MPPED1: variants seen among roughly 807,000 people sequenced by gnomAD.
MPPED1 encodes the protein metallophosphoesterase domain containing 1.
A neutral mutation model predicts 36.2 loss-of-function variants in MPPED1; 16 were observed. The ratio of observed to expected loss-of-function variants is 0.44; its 90% CI spans 0.30 to 0.67. MPPED1 has a LOEUF of 0.67. Among genes scored for constraint, MPPED1 ranks in the 30% least tolerant of loss-of-function variants. MPPED1 has a pLI of 0.10. For missense variants in MPPED1, 307 were observed against 453.4 expected, an observed-to-expected ratio of 0.68 and a Z score of 2.93; for synonymous variants, 199 against 191.3, an observed-to-expected ratio of 1.04 and a Z score of -0.33.
intron 2 of MPPED1, among the ~76,000 whole-genome samples, chr22:43,433,609 C>T (rs545420993): frequency 1.3e-5 from 2 of 151,184 alleles, no homozygotes; most frequent in Admixed American, 6.6e-5. Flanking sequence ...GCCCCGGGTG[C>T]GCGCTCCCGC....
At chr22:43,448,918 G>A (rs1930459636) in intron 3 of MPPED1, among the ~76,000 whole-genome samples, 1 of 152,066 alleles carries the variant, frequency 6.6e-6, no homozygotes, top group African/African-American at 2.4e-5. Context: ...GTTTTTAATA[G>A]CTAAGGAGAC....
intron 4 of MPPED1, among the ~76,000 whole-genome samples, chr22:43,492,430 A>G (rs1932132919): frequency 6.6e-6 from 1 of 152,070 alleles, no homozygotes. Flanking sequence ...GGTGCCCACT[A>G]ATGGGATTAG....
intron 4 of MPPED1, among the ~76,000 whole-genome samples, chr22:43,481,179 TGGA>T (rs1160030906): frequency 6.6e-6 from 1 of 152,240 alleles, no homozygotes; most frequent in Admixed American, 6.5e-5. Context: ...GTTCAGGTGT[TGGA>T]TCCACTGGAA....
At chr22:43,432,874 AG>A (rs1280134105) in intron 2 of MPPED1, among the ~76,000 whole-genome samples, 68 of 21,758 alleles carry the variant, frequency 3.1e-3, no homozygotes, top group African/African-American at 5.6e-3. Flanking sequence ...GAGGAGAGAG[AG>A]AGGGAAAGAG....
intron 3 of MPPED1, among the ~76,000 whole-genome samples, chr22:43,443,388 C>T (rs1022666597): frequency 7.2e-5 from 11 of 152,126 alleles, no homozygotes; most frequent in South Asian, 2.1e-4. Context: ...CAGGAGAGGA[C>T]GCCAGGGTAC....
chr22:43,478,913 C>G (rs887932485), intron 4 of MPPED1, among the ~76,000 whole-genome samples: 1 of 152,154 alleles, frequency 6.6e-6, no homozygotes, highest in Non-Finnish European at 1.5e-5. Context: ...CTACGAGAGT[C>G]TCTTGGTAGA....
chr22:43,449,480 A>G (rs906980806), intron 3 of MPPED1, among the ~76,000 whole-genome samples: 4 of 134,550 alleles, frequency 3.0e-5, no homozygotes, highest in Non-Finnish European at 4.6e-5. Flanking sequence ...AAGTCAAGGA[A>G]TGCACTCATC....
At chr22:43,437,271 G>A (rs564004641) in intron 3 of MPPED1, among the ~76,000 whole-genome samples, 1 of 152,322 alleles carries the variant, frequency 6.6e-6, no homozygotes, top group African/African-American at 2.4e-5. Flanking sequence ...GGACAGGGTC[G>A]TTTTTTCTAT....
chr22:43,421,092 G>T (rs1184348355), intron 1 of MPPED1, among the ~76,000 whole-genome samples: 4 of 152,248 alleles, frequency 2.6e-5, no homozygotes, highest in Non-Finnish European at 5.9e-5. Flanking sequence ...TCTCCCTGCG[G>T]CGGGTCCCGG....
At chr22:43,418,551 G>A (rs547709635) in intron 1 of MPPED1, 67 of 177,622 alleles carry the variant, frequency 3.8e-4, no homozygotes, top group Non-Finnish European at 6.9e-4. Context: ...TTTGGTGGGG[G>A]CCTTCTTAGG....
At chr22:43,419,452 T>C (rs1163588318) in intron 1 of MPPED1, among the ~76,000 whole-genome samples, 1 of 152,060 alleles carries the variant, frequency 6.6e-6, no homozygotes, top group African/African-American at 2.4e-5. Flanking sequence ...ACAGAGGGAA[T>C]AGCATTCGTG....
intron 4 of MPPED1, among the ~76,000 whole-genome samples, chr22:43,484,796 G>A (rs1931858284): frequency 6.6e-6 from 1 of 152,142 alleles, no homozygotes; most frequent in Non-Finnish European, 1.5e-5. Flanking sequence ...ACGGCTGCTT[G>A]AGGGGCTTGG....
intron 3 of MPPED1, among the ~76,000 whole-genome samples, chr22:43,464,301 G>C (rs868544775): frequency 0.051 from 5,574 of 108,748 alleles, 353 homozygotes; most frequent in African/African-American, 0.2. Context: ...CTGTGTGTGT[G>C]TGTGTGTGTG....
At chr22:43,495,803 G>A (rs1221973962) in intron 4 of MPPED1, among the ~76,000 whole-genome samples, 4 of 54,088 alleles carry the variant, frequency 7.4e-5, no homozygotes, top group African/African-American at 5.2e-4. Context: ...GGTGATGGAG[G>A]TGGTGGTGGT....
intron 3 of MPPED1, among the ~76,000 whole-genome samples, chr22:43,439,251 A>T (rs923829207): frequency 6.6e-6 from 1 of 152,248 alleles, no homozygotes; most frequent in South Asian, 2.1e-4. Context: ...CCCTCTGAGC[A>T]GCCCCTTTTC....
chr22:43,502,570 CT>C lies in MPPED1; in HGVS notation c.749-73del. On this transcript the variant is annotated intron_variant, in intron 5 of 6. Coordinates refer to ENST00000443721, the MANE Select transcript of MPPED1 (RefSeq NM_001044370.2). This position sits in a 1 kb window ranked among gnomAD's most constrained non-coding sequence, Gnocchi z 5.5. ...CCATGCCTTCTCCAGGCTGCAGAAG[CT>C]GCTGCTAGGCGTGGGGCAGTGAGGG... The C allele has an allele frequency of 8.3e-7, 1 of 1,198,014 alleles. No homozygotes were observed. Among genetic ancestry groups the C allele is most frequent in the Non-Finnish European group, 1.2e-6 (1 of 811,644 alleles). 74.2% of individuals were successfully genotyped at this position (1,198,014 alleles called of 1,614,324 possible). A position where few individuals can be genotyped will look rare whatever the true frequency, so the allele number is the denominator to read the frequency against.
chr22:43,436,909 C>T (rs1929981312), intron 3 of MPPED1, among the ~76,000 whole-genome samples: 1 of 152,246 alleles, frequency 6.6e-6, no homozygotes, highest in South Asian at 2.1e-4. Flanking sequence ...GGGACTGTCT[C>T]TCACACACAG....
At position 43,426,203 on chromosome 22, in the gene MPPED1, G is replaced by T. The variant is rs200252696; in HGVS notation, c.224+994G>T. ...CCAGGCTTCCTGAGTCCAGCCCGGG[G>T]CTCTCCTTGCTGGGCCTCCCGCATC... On this transcript the variant is annotated intron_variant, in intron 2 of 6. Coordinates refer to ENST00000443721, the MANE Select transcript of MPPED1 (RefSeq NM_001044370.2). Among the ~76,000 whole-genome samples, 49 of 152,256 alleles carry T rather than the reference G, an allele frequency of 3.2e-4. No individual in the cohort carries two copies. The East Asian group carries it at 8.5e-3, about 27-fold the overall frequency.
intron 4 of MPPED1, among the ~76,000 whole-genome samples, chr22:43,492,621 G>A (rs1425947005): frequency 6.6e-6 from 1 of 152,180 alleles, no homozygotes; most frequent in Non-Finnish European, 1.5e-5. Context: ...CCTGGGGGCA[G>A]ATCCCCAGGC....
Sources: gnomAD v4.1 joint callset for allele counts (sites outside exome capture counted in the v4.1 genomes callset) on GRCh38, gnomAD v4.1.1 for gene constraint, Gnocchi (gnomAD v3.1) non-coding constraint, MANE v1.5 for transcripts, NCBI Gene and HGNC (gene_info 2026-07-23, HGNC 2026-07-21) for gene names.